Variants in RANBP17 observed in about 807,000 individuals in gnomAD.
RANBP17 encodes the protein ran-binding protein 17.
Under a neutral mutation model 141.2 loss-of-function variants are expected in RANBP17, and 158 were observed. The ratio of observed to expected loss-of-function variants is 1.12; its 90% CI spans 0.98 to 1.28. The LOEUF is 1.28. Among genes scored for constraint, RANBP17 ranks in the 50% most tolerant of loss-of-function variants. The probability of loss-of-function intolerance (pLI) is 0.00; values close to 1 mark genes in which losing one functional copy is unlikely to be tolerated. For missense variants in RANBP17, 1,438 were observed against 1,290.7 expected (o/e 1.11, Z -1.75); for synonymous variants, 430 against 450.0 (o/e 0.96, Z 0.56).
At chr5:170,896,976 T>G in intron 5 of RANBP17, 1 of 1,056,918 alleles carries the variant, frequency 9.5e-7, no homozygotes, top group Admixed American at 2.0e-5. Flanking sequence ...AAAACCAGAT[T>G]GGCTGCTGCT....
At chr5:171,275,866 A>C (rs147240489) in intron 25 of RANBP17, among the ~76,000 whole-genome samples, 4 of 152,144 alleles carry the variant, frequency 2.6e-5, no homozygotes, top group African/African-American at 4.8e-5. Flanking sequence ...GGAAACAAAC[A>C]AGGAGCAATT....
chr5:170,873,122 A>C (rs1003980267), intron 1 of RANBP17, among the ~76,000 whole-genome samples: 7 of 151,978 alleles, frequency 4.6e-5, no homozygotes, highest in Admixed American at 2.0e-4. Flanking sequence ...CGTTGGCCAG[A>C]CTGGTCTTGA....
chr5:170,892,389 A>G lies in RANBP17; in HGVS notation c.259A>G (p.Asn87Asp). ...CCCATGGAGTGTTTTCTTTGTAGGA[A>G]ACTACATTCTGAATTACGTGGCATC... Reference protein sequence around the residue: ...LPVEQRMDIRNYILNYVASQP... With the variant: ...LPVEQRMDIRDYILNYVASQP... Residue 87 changes from asparagine (N) to aspartate (D), a missense_variant and splice_region_variant, in exon 4 of 28, where the codon AAC becomes GAC. Physicochemically the swap from Asn to Asp is conservative, Grantham distance 23 (BLOSUM62 1). Coordinates refer to ENST00000523189, the MANE Select transcript of RANBP17 (RefSeq NM_022897.5). 6.2e-7 allele frequency: 1 copy of G among 1,603,836 alleles called. No individual in the cohort carries two copies.
chr5:171,071,048 G>C (rs1784603117), intron 14 of RANBP17, among the ~76,000 whole-genome samples: 1 of 151,680 alleles, frequency 6.6e-6, no homozygotes, highest in South Asian at 2.1e-4. Flanking sequence ...GGTGAAAGAG[G>C]AAGCACAAAA....
rs374982911 is a variant in RANBP17, at chr5:170,968,789, G to A, written c.1710+412G>A. On this transcript the variant is annotated intron_variant, in intron 14 of 27. Coordinates refer to ENST00000523189, the MANE Select transcript of RANBP17 (RefSeq NM_022897.5). ...GCATTTGTACATGATTAAATAATGA[G>A]GACTAGGAAAATTAGATGTGTCCTT... The A allele has an allele frequency of 6.0e-5, 27 of 448,680 alleles. 1 individual carries two copies. The highest frequency in any genetic ancestry group is 3.5e-4 in the East Asian group (5 of 14,380). The allele number at this position is 448,680 out of a possible 1,614,324, so 27.8% of individuals were successfully genotyped here. A position where few individuals can be genotyped will look rare whatever the true frequency, so the allele number is the denominator to read the frequency against.
chr5:170,972,276 G>A (rs954276756), intron 14 of RANBP17, among the ~76,000 whole-genome samples: 2 of 148,532 alleles, frequency 1.3e-5, no homozygotes, highest in African/African-American at 5.0e-5. Context: ...CCGCTTCCCA[G>A]GTTCAAGTGA....
At chr5:171,090,200 AATG>A (rs1786134513) in intron 14 of RANBP17, among the ~76,000 whole-genome samples, 2 of 152,200 alleles carry the variant, frequency 1.3e-5, no homozygotes, top group African/African-American at 4.8e-5. Context: ...AAATGCTGAT[AATG>A]ATATGGACAG....
chr5:171,115,968 T>C (rs1000666161), intron 14 of RANBP17, among the ~76,000 whole-genome samples: 1 of 152,174 alleles, frequency 6.6e-6, no homozygotes, highest in Non-Finnish European at 1.5e-5. Flanking sequence ...GTGGAGTTTC[T>C]AGGGCCCAGT....
At chr5:170,909,876 T>G in intron 6 of RANBP17, 111 bp downstream of exon 6, 1 of 658,374 alleles carries the variant, frequency 1.5e-6, no homozygotes, top group Non-Finnish European at 2.7e-6. Flanking sequence ...AAAGAATTAT[T>G]GTGGACAGAC....
chr5:171,066,846 G>T (rs768672994), intron 14 of RANBP17, among the ~76,000 whole-genome samples: 4 of 152,146 alleles, frequency 2.6e-5, no homozygotes, highest in Non-Finnish European at 4.4e-5. Context: ...GAAGTTAAGG[G>T]TGTCCATCAC....
chr5:170,960,387 A>G (rs920272438), intron 13 of RANBP17, among the ~76,000 whole-genome samples: 2 of 152,182 alleles, frequency 1.3e-5, no homozygotes, highest in Admixed American at 6.5e-5. Context: ...TGTATCCCAC[A>G]TGCACCTCTA....
chr5:170,964,083 G>T (rs1776343946), intron 13 of RANBP17, among the ~76,000 whole-genome samples: 1 of 152,020 alleles, frequency 6.6e-6, no homozygotes, highest in Non-Finnish European at 1.5e-5. Context: ...CTGTCATCCT[G>T]AATTATCTTG....
chr5:170,915,030 G>C (rs1165014809), intron 8 of RANBP17, among the ~76,000 whole-genome samples: 1 of 152,098 alleles, frequency 6.6e-6, no homozygotes, highest in Non-Finnish European at 1.5e-5. Context: ...GTCTTCTCTT[G>C]AATCTAGAGT....
intron 1 of RANBP17, among the ~76,000 whole-genome samples, chr5:170,875,680 C>CTG (rs1370242984): frequency 8.9e-6 from 1 of 112,794 alleles, no homozygotes; most frequent in Non-Finnish European, 1.9e-5. Context: ...CCTCTCTCAA[C>CTG]TGGTTATTCT....
chr5:171,035,729 C>CTTT (rs1781831017), intron 14 of RANBP17, among the ~76,000 whole-genome samples: 1 of 72,394 alleles, frequency 1.4e-5, no homozygotes, highest in Non-Finnish European at 3.0e-5. Context: ...CTGTTTGTTT[C>CTTT]TTTTTTTGTT....
At chr5:171,163,713 A>G (rs1759494097) in intron 14 of RANBP17, among the ~76,000 whole-genome samples, 1 of 152,206 alleles carries the variant, frequency 6.6e-6, no homozygotes, top group Non-Finnish European at 1.5e-5. Flanking sequence ...AAGTCATTCC[A>G]ATAGATTGAA....
At chr5:170,922,405 C>T (rs1291168988) in intron 11 of RANBP17, among the ~76,000 whole-genome samples, 1 of 152,216 alleles carries the variant, frequency 6.6e-6, no homozygotes, top group Non-Finnish European at 1.5e-5. Flanking sequence ...AAGCTGTCTG[C>T]TGCCTTTTGT....
chr5:171,101,979 T>G (rs1380714578), intron 14 of RANBP17, among the ~76,000 whole-genome samples: 2 of 152,246 alleles, frequency 1.3e-5, no homozygotes, highest in Non-Finnish European at 2.9e-5. Context: ...CCTGATGGGC[T>G]TCCCTTTGTG....
intron 14 of RANBP17, among the ~76,000 whole-genome samples, chr5:171,053,709 A>G (rs976226298): frequency 6.6e-6 from 1 of 150,890 alleles, no homozygotes; most frequent in African/African-American, 2.4e-5. Context: ...TTTGTAAGCC[A>G]TTTATTTATT....
Sources: allele counts gnomAD v4.1 joint callset (sites outside exome capture counted in the v4.1 genomes callset), GRCh38; gene constraint gnomAD v4.1.1; transcripts MANE v1.5; gene names NCBI Gene and HGNC (gene_info 2026-07-23, HGNC 2026-07-21).